PTPRG: variants seen among roughly 807,000 people sequenced by gnomAD.
The protein encoded by PTPRG is protein tyrosine phosphatase receptor type G.
Under a neutral mutation model 165.3 loss-of-function variants are expected in PTPRG, and 102 were observed. The observed-to-expected ratio is 0.62, with a 90% CI of 0.53 to 0.73. The LOEUF (loss-of-function observed/expected upper bound fraction) is 0.73. Among genes scored for constraint, PTPRG ranks in the 30% least tolerant of loss-of-function variants. PTPRG has a pLI of 0.00. For synonymous variants in PTPRG, 675 were observed against 669.5 expected (o/e 1.01, Z -0.13); for missense variants, 1,866 against 1,861.4 (o/e 1.00, Z -0.05).
chr3:61,722,283 A>G (rs923876819), intron 1 of PTPRG, among the ~76,000 whole-genome samples: 1 of 151,552 alleles, frequency 6.6e-6, no homozygotes, highest in East Asian at 1.9e-4. Flanking sequence ...TTTATAATGA[A>G]CTCTCTCCCT....
intron 2 of PTPRG, among the ~76,000 whole-genome samples, chr3:61,952,722 A>G (rs1436805078): frequency 1.3e-5 from 2 of 152,064 alleles, no homozygotes; most frequent in African/African-American, 4.8e-5. Context: ...GCAGAAACAT[A>G]ATCCATTTGC....
chr3:61,991,210 T>TG (rs1180306879), intron 3 of PTPRG, among the ~76,000 whole-genome samples: 1 of 152,222 alleles, frequency 6.6e-6, no homozygotes, highest in Admixed American at 6.5e-5. Context: ...TTGTACGTAA[T>TG]TTTTTAAATT....
chr3:61,844,048 C>T (rs1377535952), intron 2 of PTPRG, among the ~76,000 whole-genome samples: 1 of 150,740 alleles, frequency 6.6e-6, no homozygotes, highest in Admixed American at 6.6e-5. Flanking sequence ...ACTGCAAATT[C>T]CGCCTCCCGG....
At position 62,293,186 on chromosome 3, in the gene PTPRG, C is replaced by A; in HGVS notation, c.4217C>A (p.Ala1406Glu). Residue 1406 changes from alanine (A) to glutamate (E), a missense_variant, in exon 30 of 30, where the codon GCA becomes GAA. Transcript: ENST00000474889. The part of the protein sequence containing the change: ...DIEQYQFIYK[A>E]MLSLVSTKEN... ...GAACAATACCAGTTCATCTATAAAG[C>A]AATGCTTAGCTTGGTCAGCACTAAA... is the stretch of plus-strand genomic sequence containing the variant. 6.2e-7 allele frequency: 1 copy of A among 1,602,310 alleles called. No homozygotes were observed. Among genetic ancestry groups the A allele is most frequent in the South Asian group, 1.1e-5 (1 of 88,400 alleles).
At chr3:62,049,115 C>CA (rs1700387968) in intron 4 of PTPRG, among the ~76,000 whole-genome samples, 2 of 139,482 alleles carry the variant, frequency 1.4e-5, no homozygotes, top group Non-Finnish European at 3.2e-5. Context: ...AAAAACAAAA[C>CA]AAAACAAAAA....
At chr3:62,033,775 T>G (rs941248198) in intron 4 of PTPRG, among the ~76,000 whole-genome samples, 2 of 152,010 alleles carry the variant, frequency 1.3e-5, no homozygotes, top group African/African-American at 4.8e-5. Flanking sequence ...GACTGATGAT[T>G]CTTCTTTTTT....
chr3:62,160,343 G>C (rs147537397), intron 7 of PTPRG, among the ~76,000 whole-genome samples: 40 of 152,312 alleles, frequency 2.6e-4, no homozygotes, highest in African/African-American at 9.4e-4. Context: ...CTGTGCACTT[G>C]TACCTCTGGC....
At chr3:62,205,719 G>A (rs552148469) in intron 12 of PTPRG, among the ~76,000 whole-genome samples, 9 of 152,330 alleles carry the variant, frequency 5.9e-5, no homozygotes, top group African/African-American at 1.9e-4. Flanking sequence ...TTAGACCAGA[G>A]GGAGTGAGGG....
chr3:61,771,197 G>A (rs940361599), intron 2 of PTPRG: 2 of 152,060 alleles, frequency 1.3e-5, no homozygotes, highest in African/African-American at 4.8e-5. Flanking sequence ...GCATTCTAAT[G>A]GATCTTTGAC....
intron 2 of PTPRG, among the ~76,000 whole-genome samples, chr3:61,832,819 T>C (rs2036338591): frequency 1.3e-5 from 2 of 152,198 alleles, no homozygotes; most frequent in South Asian, 4.1e-4. Context: ...CAGTATACAC[T>C]GAACCCAATA....
At chr3:61,836,400 C>A (rs2036462940) in intron 2 of PTPRG, among the ~76,000 whole-genome samples, 1 of 152,088 alleles carries the variant, frequency 6.6e-6, no homozygotes, top group African/African-American at 2.4e-5. Flanking sequence ...CATTTTGAGG[C>A]CTGGTGTTGA....
At chr3:61,946,604 C>T (rs1380007074) in intron 2 of PTPRG, among the ~76,000 whole-genome samples, 1 of 152,164 alleles carries the variant, frequency 6.6e-6, no homozygotes, top group African/African-American at 2.4e-5. Flanking sequence ...TACAGGTAAA[C>T]CAAGTACAGG....
chr3:61,933,247 T>G (rs1414028005), intron 2 of PTPRG, among the ~76,000 whole-genome samples: 4 of 152,220 alleles, frequency 2.6e-5, no homozygotes, highest in African/African-American at 4.8e-5. Flanking sequence ...AACCTGGTGG[T>G]GAATCAAAAT....
chr3:62,002,409 A>G (rs1374704735), intron 3 of PTPRG, among the ~76,000 whole-genome samples: 5 of 152,254 alleles, frequency 3.3e-5, no homozygotes, highest in African/African-American at 9.6e-5. Context: ...GCAGCCAATA[A>G]GTATTTATTG....
intron 6 of PTPRG, among the ~76,000 whole-genome samples, chr3:62,150,646 A>G (rs1296549060): frequency 1.3e-5 from 2 of 152,132 alleles, no homozygotes; most frequent in African/African-American, 4.8e-5. Flanking sequence ...TTAGGCATTT[A>G]AGGAAAAGTT....
intron 1 of PTPRG, among the ~76,000 whole-genome samples, chr3:61,734,385 C>T (rs1172533772): frequency 1.3e-5 from 2 of 152,086 alleles, no homozygotes; most frequent in Admixed American, 1.3e-4. Flanking sequence ...CTCCTAATAC[C>T]ATCTATTTCT....
intron 2 of PTPRG, among the ~76,000 whole-genome samples, chr3:61,985,018 A>C (rs958665067): frequency 6.6e-6 from 1 of 152,234 alleles, no homozygotes; most frequent in Non-Finnish European, 1.5e-5. Flanking sequence ...CAGATGTCCA[A>C]GATAGCCATG....
chr3:61,708,497 T>C (rs1282983044), intron 1 of PTPRG, among the ~76,000 whole-genome samples: 4 of 145,642 alleles, frequency 2.7e-5, no homozygotes, highest in African/African-American at 1.0e-4. Flanking sequence ...TCTCTTGCTC[T>C]GTCACCCTGA....
chr3:61,724,011 C>A (rs888321556), intron 1 of PTPRG, among the ~76,000 whole-genome samples: 2 of 152,072 alleles, frequency 1.3e-5, no homozygotes, highest in Admixed American at 1.3e-4. Context: ...GCGGGTGGAT[C>A]ACTTGAGGTC....
Sources: allele counts gnomAD v4.1 joint callset (sites outside exome capture counted in the v4.1 genomes callset), GRCh38; gene constraint gnomAD v4.1.1; transcripts MANE v1.5; gene names NCBI Gene and HGNC (gene_info 2026-07-23, HGNC 2026-07-21).